The following RAD51B variants were observed in gnomAD, a reference collection of about 807,000 sequenced individuals.
The protein encoded by RAD51B is DNA repair protein RAD51 homolog 2.
Under a neutral mutation model 42.2 loss-of-function variants are expected in RAD51B, and 38 were observed. The ratio of observed to expected loss-of-function variants is 0.90; its 90% CI spans 0.70 to 1.18. The LOEUF is 1.18. RAD51B is among the 50% of genes most tolerant of loss of function. The probability of loss-of-function intolerance (pLI) is 0.00; values close to 1 mark genes in which losing one functional copy is unlikely to be tolerated. For synonymous variants in RAD51B, 154 were observed against 145.2 expected (o/e 1.06, Z -0.43); for missense variants, 373 against 400.7 (o/e 0.93, Z 0.59).
intron 4 of RAD51B, among the ~76,000 whole-genome samples, chr14:67,861,664 C>G (rs868831687): frequency 3.3e-5 from 5 of 151,056 alleles, no homozygotes; most frequent in South Asian, 2.1e-4. Flanking sequence ...TTTTGTATGA[C>G]AAGTGACTAT....
chr14:68,102,682 C>T (rs2077311195), intron 7 of RAD51B, among the ~76,000 whole-genome samples: 1 of 152,208 alleles, frequency 6.6e-6, no homozygotes, highest in African/African-American at 2.4e-5. Context: ...AAATATCCTA[C>T]GTTTTTCTTT....
chr14:67,935,985 A>G (rs551957192), intron 7 of RAD51B, among the ~76,000 whole-genome samples: 241 of 152,324 alleles, frequency 1.6e-3, no homozygotes, highest in African/African-American at 5.6e-3. Context: ...ATATATTAGA[A>G]AATAGATGTC....
chr14:68,140,395 C>G (rs114153221), intron 7 of RAD51B, among the ~76,000 whole-genome samples: 126 of 152,332 alleles, frequency 8.3e-4, no homozygotes, highest in African/African-American at 2.9e-3. Flanking sequence ...CACTGACACA[C>G]ACTTCCCTTG....
chr14:68,417,588 A>G (rs2069385138), intron 9 of RAD51B, among the ~76,000 whole-genome samples: 1 of 152,336 alleles, frequency 6.6e-6, no homozygotes, highest in Non-Finnish European at 1.5e-5. Flanking sequence ...GGCACTAGGC[A>G]CTAGGCAAAT....
At chr14:68,068,154 C>A (rs1168783825) in intron 7 of RAD51B, among the ~76,000 whole-genome samples, 5 of 151,990 alleles carry the variant, frequency 3.3e-5, no homozygotes, top group African/African-American at 9.7e-5. Context: ...ATAATACTTT[C>A]AATGTACAAT....
intron 7 of RAD51B, among the ~76,000 whole-genome samples, chr14:68,007,684 T>A (rs1385758125): frequency 6.6e-6 from 1 of 152,094 alleles, no homozygotes; most frequent in African/African-American, 2.4e-5. Context: ...TTCAGAGCCT[T>A]TGCCTCTTGT....
At chr14:68,415,780 T>C (rs1371041181) in intron 9 of RAD51B, among the ~76,000 whole-genome samples, 1 of 152,158 alleles carries the variant, frequency 6.6e-6, no homozygotes, top group Non-Finnish European at 1.5e-5. Context: ...TCGATAAAAA[T>C]ATTCACATTT....
chr14:68,221,468 T>C (rs2079925094), intron 7 of RAD51B, among the ~76,000 whole-genome samples: 1 of 152,216 alleles, frequency 6.6e-6, no homozygotes, highest in Non-Finnish European at 1.5e-5. Context: ...CAAATGGTGC[T>C]GGGATAATTG....
intron 7 of RAD51B, among the ~76,000 whole-genome samples, chr14:67,953,802 A>G (rs2074498476): frequency 6.6e-6 from 1 of 152,150 alleles, no homozygotes; most frequent in Non-Finnish European, 1.5e-5. Flanking sequence ...CCATTAACAG[A>G]AAGAAGAAAA....
intron 8 of RAD51B, among the ~76,000 whole-genome samples, chr14:68,292,401 G>C (rs1484988783): frequency 6.6e-6 from 1 of 152,124 alleles, no homozygotes; most frequent in Non-Finnish European, 1.5e-5. Context: ...TTCCTGATCA[G>C]CTTTACAGAA....
intron 5 of RAD51B, among the ~76,000 whole-genome samples, chr14:67,874,328 C>A (rs191056779): frequency 5.9e-5 from 9 of 152,286 alleles, no homozygotes; most frequent in Admixed American, 3.9e-4. Context: ...GTTTGTTGAA[C>A]CCACAGCCCG....
intron 7 of RAD51B, among the ~76,000 whole-genome samples, chr14:67,978,115 A>G (rs1035005775): frequency 1.3e-5 from 2 of 152,096 alleles, no homozygotes; most frequent in African/African-American, 2.4e-5. Flanking sequence ...ATGATTTATA[A>G]TATCAGTCTA....
intron 7 of RAD51B, among the ~76,000 whole-genome samples, chr14:67,891,048 A>G (rs1373633545): frequency 6.6e-6 from 1 of 152,130 alleles, no homozygotes; most frequent in Non-Finnish European, 1.5e-5. Context: ...TCCAAGGTCT[A>G]CATTTTTACT....
At chr14:68,284,138 A>C (rs1274785234) in intron 7 of RAD51B, among the ~76,000 whole-genome samples, 3 of 152,226 alleles carry the variant, frequency 2.0e-5, no homozygotes, top group African/African-American at 7.2e-5. Flanking sequence ...TTTCACAGTG[A>C]AATCTACAGA....
intron 10 of RAD51B, among the ~76,000 whole-genome samples, chr14:68,606,735 C>T (rs1891462672): frequency 6.6e-6 from 1 of 152,186 alleles, no homozygotes; most frequent in Non-Finnish European, 1.5e-5. Context: ...AGAAGTTAAG[C>T]AGCTCATTCA....
chr14:68,154,419 T>C (rs1232842794), intron 7 of RAD51B, among the ~76,000 whole-genome samples: 1 of 152,242 alleles, frequency 6.6e-6, no homozygotes, highest in Admixed American at 6.5e-5. Flanking sequence ...CCTGTATGAG[T>C]GCCAGGCACT....
chr14:68,517,165 G>T, intron 10 of RAD51B, among the ~76,000 whole-genome samples: 1 of 151,642 alleles, frequency 6.6e-6, no homozygotes, highest in Non-Finnish European at 1.5e-5. Context: ...ACTTCAGGAT[G>T]CACCAGAAAT....
chr14:67,861,716 C>T (rs2042170077), intron 4 of RAD51B, among the ~76,000 whole-genome samples: 1 of 151,972 alleles, frequency 6.6e-6, no homozygotes, highest in African/African-American at 2.4e-5. Flanking sequence ...ACCAACCAAT[C>T]AATGCAACAC....
At chr14:68,167,064 A>G (rs1471903361) in intron 7 of RAD51B, among the ~76,000 whole-genome samples, 1 of 152,132 alleles carries the variant, frequency 6.6e-6, no homozygotes, top group Non-Finnish European at 1.5e-5. Context: ...TTCCAGATTA[A>G]CCTTTACAAA....
Sources: gnomAD v4.1 joint callset for allele counts (sites outside exome capture counted in the v4.1 genomes callset) on GRCh38, gnomAD v4.1.1 for gene constraint, MANE v1.5 for transcripts, NCBI Gene and HGNC (gene_info 2026-07-23, HGNC 2026-07-21) for gene names.